EPCIP: variants seen among roughly 807,000 people sequenced by gnomAD.
EPCIP encodes exosomal polycystin-1-interacting protein.
At chr21:32,805,737 A>G in the EPCIP span, among the ~76,000 whole-genome samples, 1 of 152,174 alleles carries the variant, frequency 6.6e-6, no homozygotes. Context: ...ACCACATCAA[A>G]CCACCCTTGT....
chr21:32,794,953 C>T, the EPCIP span, among the ~76,000 whole-genome samples: 1 of 152,214 alleles, frequency 6.6e-6, no homozygotes, highest in Admixed American at 6.5e-5. Context: ...GAGACAAACA[C>T]TTCTTTGTTG....
the EPCIP span, chr21:32,797,961 A>G: frequency 2.0e-5 from 3 of 152,172 alleles, no homozygotes; most frequent in Admixed American, 2.0e-4. Context: ...CAAGATGGTC[A>G]CTAGTAGATC....
the EPCIP span, among the ~76,000 whole-genome samples, chr21:32,791,957 T>C: frequency 6.6e-6 from 1 of 151,500 alleles, no homozygotes; most frequent in Non-Finnish European, 1.5e-5. Context: ...CAGGCTGGAG[T>C]GCAGTGGCGC....
the EPCIP span, chr21:32,810,554 C>T: frequency 2.1e-6 from 1 of 468,918 alleles, no homozygotes. Flanking sequence ...AACCACCATG[C>T]CCGGCCCTGA....
the EPCIP span, chr21:32,791,463 T>C: frequency 4.5e-4 from 68 of 152,328 alleles, no homozygotes; most frequent in African/African-American, 1.6e-3. Flanking sequence ...ATGAATATAT[T>C]ACTAATCTTT....
the EPCIP span, among the ~76,000 whole-genome samples, chr21:32,803,234 G>A: frequency 6.6e-6 from 1 of 152,188 alleles, no homozygotes; most frequent in African/African-American, 2.4e-5. Context: ...CAGTTGGTTA[G>A]GCCTTAATCG....
the EPCIP span, among the ~76,000 whole-genome samples, chr21:32,809,290 T>TTCTTTCTTTCTTTCTTTC: frequency 5.7e-4 from 69 of 120,580 alleles, no homozygotes; most frequent in Admixed American, 1.3e-3. Flanking sequence ...CTTTCTTTCT[T>TTCTTTCTTTCTTTCTTTC]TCTTTCTTTC....
chr21:32,810,592 C>T, the EPCIP span: 3 of 471,214 alleles, frequency 6.4e-6, no homozygotes, highest in Admixed American at 2.4e-5. Context: ...GTTGCATGTC[C>T]CCAGCTCAGT....
At chr21:32,794,801 C>T in the EPCIP span, among the ~76,000 whole-genome samples, 1 of 152,194 alleles carries the variant, frequency 6.6e-6, no homozygotes, top group South Asian at 2.1e-4. Context: ...GAGAGGAGAC[C>T]TACCGCATCC....
chr21:32,797,399 C>A, the EPCIP span: 2 of 174,732 alleles, frequency 1.1e-5, no homozygotes, highest in Non-Finnish European at 2.5e-5. Context: ...TAAGCACGCA[C>A]CATCATACCC....
the EPCIP span, among the ~76,000 whole-genome samples, chr21:32,801,409 T>C: frequency 6.6e-6 from 1 of 152,160 alleles, no homozygotes; most frequent in Non-Finnish European, 1.5e-5. Context: ...ATGGCCTAAG[T>C]CATGGGGAAG....
the EPCIP span, chr21:32,797,188 C>T: frequency 3.3e-6 from 1 of 304,810 alleles, no homozygotes; most frequent in South Asian, 2.9e-5. Flanking sequence ...GGCAAATACC[C>T]CTGGTAACCC....
chr21:32,794,381 G>A, the EPCIP span: 5 of 1,614,226 alleles, frequency 3.1e-6, no homozygotes, highest in Admixed American at 1.7e-5. Context: ...GACACCCAGA[G>A]TGCTGATCAG....
At chr21:32,805,132 T>C in the EPCIP span, among the ~76,000 whole-genome samples, 1 of 152,150 alleles carries the variant, frequency 6.6e-6, no homozygotes, top group African/African-American at 2.4e-5. Flanking sequence ...GAAGGCAATA[T>C]GACAACTGAA....
chr21:32,799,047 C>T, the EPCIP span: 2 of 152,066 alleles, frequency 1.3e-5, no homozygotes, highest in Non-Finnish European at 1.5e-5. Flanking sequence ...ACATTGGACT[C>T]CTGAGTCGTA....
the EPCIP span, among the ~76,000 whole-genome samples, chr21:32,804,788 T>G: frequency 3.9e-5 from 6 of 152,250 alleles, no homozygotes; most frequent in African/African-American, 1.4e-4. Context: ...GTCCTGAAAT[T>G]ATTAGTGAGC....
chr21:32,800,755 G>T, the EPCIP span, among the ~76,000 whole-genome samples: 1 of 151,798 alleles, frequency 6.6e-6, no homozygotes, highest in Non-Finnish European at 1.5e-5. Context: ...GGCAGAGGTT[G>T]CAGTGAGCTG....
chr21:32,809,653 G>A, the EPCIP span, among the ~76,000 whole-genome samples: 5 of 152,120 alleles, frequency 3.3e-5, no homozygotes, highest in South Asian at 2.1e-4. Context: ...ATGAGCCACC[G>A]CGCCTGCCCC....
the EPCIP span, chr21:32,793,532 T>G: frequency 3.4e-6 from 2 of 589,328 alleles, no homozygotes; most frequent in South Asian, 4.1e-5. Context: ...CGGAATCAAG[T>G]TGGTTTTTTG....
Sources: gnomAD v4.1 joint callset for allele counts (sites outside exome capture counted in the v4.1 genomes callset) on GRCh38, gnomAD v4.1.1 for gene constraint, MANE v1.5 for transcripts, NCBI Gene and HGNC (gene_info 2026-07-23, HGNC 2026-07-21) for gene names.